The following IKZF2 variants were observed in gnomAD, a reference collection of about 807,000 sequenced individuals.
IKZF2 encodes the protein IKAROS family zinc finger 2.
Under a neutral mutation model 49.2 loss-of-function variants are expected in IKZF2, and 15 were observed. That is an observed-to-expected ratio of 0.30 (90% CI 0.20 to 0.47). IKZF2 has a LOEUF of 0.47. Ranked by LOEUF, IKZF2 falls within the 20% of genes least tolerant of loss-of-function variation. The pLI, the probability that IKZF2 is intolerant of heterozygous loss-of-function variation, is 1.00. For missense variants in IKZF2, 567 were observed against 664.6 expected, an observed-to-expected ratio of 0.85 and a Z score of 1.61; for synonymous variants, 227 against 221.4, an observed-to-expected ratio of 1.03 and a Z score of -0.23.
At chr2:213,068,619 A>C (rs1702377158) in intron 4 of IKZF2, among the ~76,000 whole-genome samples, 1 of 152,072 alleles carries the variant, frequency 6.6e-6, no homozygotes, top group Non-Finnish European at 1.5e-5. Context: ...TATTTATACA[A>C]AATCTGGGGT....
At chr2:213,112,146 C>T (rs2125777018) in intron 4 of IKZF2, among the ~76,000 whole-genome samples, 1 of 152,092 alleles carries the variant, frequency 6.6e-6, no homozygotes, top group East Asian at 1.9e-4. Flanking sequence ...GTGAGACTAA[C>T]ATTTTCAGTC....
chr2:213,076,919 T>G (rs4673721), intron 4 of IKZF2, among the ~76,000 whole-genome samples: 55,727 of 151,972 alleles, frequency 0.37, 12,752 homozygotes, highest in East Asian at 0.72. Flanking sequence ...AATAAATAAA[T>G]AAAAGAAATA....
chr2:213,028,875 T>G (rs1160320667), intron 6 of IKZF2, among the ~76,000 whole-genome samples: 3 of 152,120 alleles, frequency 2.0e-5, no homozygotes, highest in African/African-American at 7.2e-5. Flanking sequence ...TTATAATATG[T>G]GAAAGCTGAA....
At chr2:213,065,620 A>G (rs1463471815) in intron 4 of IKZF2, among the ~76,000 whole-genome samples, 1 of 152,112 alleles carries the variant, frequency 6.6e-6, no homozygotes, top group Non-Finnish European at 1.5e-5. Context: ...ATATATATCA[A>G]CTGAATTAAT....
chr2:213,095,952 T>G (rs1242795816), intron 4 of IKZF2, among the ~76,000 whole-genome samples: 1 of 151,970 alleles, frequency 6.6e-6, no homozygotes, highest in Non-Finnish European at 1.5e-5. Flanking sequence ...ATTTGTAGTA[T>G]CTTTAACAAT....
At chr2:213,012,745 T>C (rs1037275590) in intron 8 of IKZF2, among the ~76,000 whole-genome samples, 1 of 152,026 alleles carries the variant, frequency 6.6e-6, no homozygotes, top group Non-Finnish European at 1.5e-5. Flanking sequence ...TAAGTGTTTA[T>C]TGAAGTAATG....
At chr2:213,068,116 G>A (rs368193162) in intron 4 of IKZF2, among the ~76,000 whole-genome samples, 26 of 152,180 alleles carry the variant, frequency 1.7e-4, no homozygotes, top group Non-Finnish European at 2.4e-4. Context: ...ACCATAGAAA[G>A]CAAAGTAGAC....
intron 4 of IKZF2, among the ~76,000 whole-genome samples, chr2:213,107,974 T>C (rs921552282): frequency 2.0e-5 from 3 of 152,316 alleles, no homozygotes; most frequent in South Asian, 4.1e-4. Context: ...TCAGGCATGA[T>C]GCTAAATTAG....
intron 4 of IKZF2, among the ~76,000 whole-genome samples, chr2:213,089,669 A>G (rs1574805662): frequency 6.6e-6 from 1 of 152,174 alleles, no homozygotes; most frequent in Admixed American, 6.6e-5. Context: ...TCCAGGCCCA[A>G]TCTGGTTTGT....
chr2:213,121,396 T>A (rs1398675594), intron 4 of IKZF2, among the ~76,000 whole-genome samples: 3 of 152,236 alleles, frequency 2.0e-5, no homozygotes, highest in East Asian at 3.8e-4. Flanking sequence ...CTCATGGAGA[T>A]ATGGCTTCCT....
intron 8 of IKZF2, among the ~76,000 whole-genome samples, chr2:213,009,603 A>T (rs1381607172): frequency 6.6e-6 from 1 of 152,104 alleles, no homozygotes; most frequent in Non-Finnish European, 1.5e-5. Flanking sequence ...ATGGCACTCA[A>T]CTTAAGATAT....
At position 213,139,515 on chromosome 2, in the gene IKZF2, C is replaced by G. The variant is rs546972977; in HGVS notation, c.139+8193G>C. On this transcript the variant is annotated intron_variant, in intron 4 of 8. Transcript: ENST00000434687. The stretch of plus-strand genomic sequence containing the variant: ...GTTCACAAGAACAAAATGATCTAGT[C>G]AAGCCAACTGGAGTGATCCAGCTCC... 7.2e-5 allele frequency among the ~76,000 whole-genome samples: 11 copies of G among 151,974 alleles called. No individual in the cohort carries two copies. In the East Asian group the frequency reaches 2.1e-3, roughly 29 times the overall value.
At chr2:213,032,956 C>G (rs554367569) in intron 6 of IKZF2, among the ~76,000 whole-genome samples, 1 of 152,206 alleles carries the variant, frequency 6.6e-6, no homozygotes, top group Non-Finnish European at 1.5e-5. Context: ...CTATTTGATA[C>G]GATTTTACCC....
At chr2:213,027,950 T>G (rs1697995577) in intron 6 of IKZF2, among the ~76,000 whole-genome samples, 1 of 152,120 alleles carries the variant, frequency 6.6e-6, no homozygotes, top group Non-Finnish European at 1.5e-5. Context: ...AAGTATATAC[T>G]AGTTCACATA....
intron 7 of IKZF2, among the ~76,000 whole-genome samples, chr2:213,017,947 C>G (rs1172532491): frequency 6.6e-6 from 1 of 151,954 alleles, no homozygotes; most frequent in Non-Finnish European, 1.5e-5. Context: ...ATGATGTCAC[C>G]CAATAGAAAT....
chr2:213,007,680 G>C lies in IKZF2; in HGVS notation c.1261C>G (p.Gln421Glu), dbSNP rs757790410. The C allele has an allele frequency of 6.8e-6, 11 of 1,613,626 alleles. No individual in the cohort carries two copies. The South Asian group carries it at 1.2e-4, about 18-fold the overall frequency. ...ESSHDDHQSYQGHPALNPKRK... is the reference protein window; with the variant it reads ...ESSHDDHQSYEGHPALNPKRK... ...TTGGGATTTAAGGCAGGGTGTCCTT[G>C]GTAGGACTGGTGGTCATCATGGCTG... The change falls in exon 9 of 9, where the codon CAA becomes GAA. Residue 421 changes from glutamine to glutamate, a missense_variant. This residue lies in a region of IKZF2 where 310 missense variants were observed against 326.9 expected (regional missense o/e 0.95). Coordinates refer to ENST00000434687, the MANE Select transcript of IKZF2 (RefSeq NM_001387220.1).
intron 6 of IKZF2, among the ~76,000 whole-genome samples, chr2:213,047,395 A>G (rs893258446): frequency 6.6e-6 from 1 of 152,072 alleles, no homozygotes; most frequent in African/African-American, 2.4e-5. Context: ...TCTACAGGAT[A>G]TTATATATGG....
intron 2 of IKZF2, among the ~76,000 whole-genome samples, chr2:213,149,776 TA>T (rs1239300145): frequency 1.7e-5 from 2 of 120,306 alleles, no homozygotes; most frequent in African/African-American, 7.2e-5. Context: ...CACACTCCCT[TA>T]CCCCCCCCCC....
In IKZF2 at chr2:213,008,051, A is replaced by T; in HGVS notation, c.890T>A (p.Ile297Asn). The T allele has an allele frequency of 1.2e-6, 2 of 1,611,350 alleles. No homozygotes were observed. Among genetic ancestry groups the T allele is most frequent in the Non-Finnish European group, 1.7e-6 (2 of 1,178,192 alleles). ...ATATGTTAAGTTCATATCAAAGTGA[A>T]TATCTGGGTAGCTGAATCGCATGAG... ...EKLMRFSYPD[I>N]HFDMNLTYEK... Residue 297 changes from isoleucine to asparagine, a missense_variant, in exon 9 of 9, where the codon ATT becomes AAT. By Grantham distance (149) the Ile-to-Asn change is moderately radical (BLOSUM62 -3). Around this residue, in one of 5 missense-constraint regions of IKZF2, gnomAD observed 310 missense variants for 326.9 expected, o/e 0.95. Coordinates refer to ENST00000434687, the MANE Select transcript of IKZF2 (RefSeq NM_001387220.1).
Sources: gnomAD v4.1 joint callset for allele counts (sites outside exome capture counted in the v4.1 genomes callset) on GRCh38, gnomAD v4.1.1 for gene constraint, gnomAD v4.1.1 regional missense constraint, MANE v1.5 for transcripts, NCBI Gene and HGNC (gene_info 2026-07-23, HGNC 2026-07-21) for gene names.